The following PLEKHA4 variants were observed in gnomAD, a reference collection of about 807,000 sequenced individuals.
PLEKHA4 encodes pleckstrin homology domain-containing family A member 4.
In PLEKHA4, 73 loss-of-function variants were observed where a neutral mutation model predicts 94.7. The ratio of observed to expected loss-of-function variants is 0.77; its 90% CI spans 0.64 to 0.94. PLEKHA4 has a LOEUF of 0.94. Among genes scored for constraint, PLEKHA4 ranks in the 40% least tolerant of loss-of-function variants. The pLI is 0.00. For synonymous variants in PLEKHA4, 449 were observed against 437.1 expected (o/e 1.03, Z -0.34); for missense variants, 1,049 against 1,054.1 (o/e 1.00, Z 0.07).
chr19:48,863,098 C>T (rs1024665502), intron 3 of PLEKHA4, among the ~76,000 whole-genome samples: 72 of 152,292 alleles, frequency 4.7e-4, no homozygotes, highest in Non-Finnish European at 1.6e-4. Flanking sequence ...TCTCCAACCT[C>T]GTGTGCCTCT....
intron 16 of PLEKHA4, among the ~76,000 whole-genome samples, chr19:48,842,899 T>C (rs1294727466): frequency 6.6e-6 from 1 of 152,194 alleles, no homozygotes; most frequent in African/African-American, 2.4e-5. Flanking sequence ...CTGGTGGTCA[T>C]AGCTTTTTCT....
At position 48,837,101 on chromosome 19, in the gene PLEKHA4, AG is replaced by A; in HGVS notation, c.*187del. 1.3e-6 allele frequency: 1 copy of A among 745,760 alleles called. No individual in the cohort carries two copies. Among genetic ancestry groups the A allele is most frequent in the Non-Finnish European group, 2.2e-6 (1 of 451,478 alleles). The allele number at this position is 745,760 out of a possible 1,614,324, so 46.2% of individuals were successfully genotyped here. On this transcript the variant is annotated 3_prime_UTR_variant, in exon 20 of 20. Coordinates refer to ENST00000263265, the MANE Select transcript of PLEKHA4 (RefSeq NM_020904.3). This position sits in a 1 kb window ranked among gnomAD's most constrained non-coding sequence, Gnocchi z 4.3. ...GACAGAAAGAAAGCTATTGACTAAA[AG>A]TTCAAAGTTTTAATCCAAATTTAGA...
chr19:48,846,259 A>G (rs2035966663), intron 14 of PLEKHA4, among the ~76,000 whole-genome samples: 1 of 151,722 alleles, frequency 6.6e-6, no homozygotes, highest in Admixed American at 6.6e-5. Context: ...CATCCTGGCT[A>G]AAACGGTGAA....
At chr19:48,854,112 CT>C (rs776922048) in intron 10 of PLEKHA4, 25 bp from the exon 11 acceptor site, 3 of 1,614,010 alleles carry the variant, frequency 1.9e-6, no homozygotes. Context: ...GCGGGAGCTA[CT>C]GATGGTCCAG....
chr19:48,839,913 A>C (rs1459704849), intron 17 of PLEKHA4, among the ~76,000 whole-genome samples: 1 of 148,180 alleles, frequency 6.7e-6, no homozygotes, highest in Admixed American at 6.8e-5. Flanking sequence ...AGCCTGGTCA[A>C]TATGGTGTAA....
chr19:48,866,661 T>C (rs2036846012), intron 2 of PLEKHA4, among the ~76,000 whole-genome samples: 1 of 152,010 alleles, frequency 6.6e-6, no homozygotes, highest in Non-Finnish European at 1.5e-5. Flanking sequence ...GAAGAGGCTG[T>C]AGGGAAGCAA....
chr19:48,859,362 A>G, intron 7 of PLEKHA4, 107 bp downstream of exon 7: 7 of 1,237,122 alleles, frequency 5.7e-6, no homozygotes, highest in Non-Finnish European at 6.8e-6. Context: ...CGGGAGCCCC[A>G]GCAAGTCACA....
chr19:48,839,176 C>A, intron 18 of PLEKHA4, 29 bp downstream of exon 18: 1 of 1,527,914 alleles, frequency 6.5e-7, no homozygotes, highest in Non-Finnish European at 8.8e-7. Flanking sequence ...TTTTTTCCTG[C>A]TCCCTTGATA....
At chr19:48,853,956 C>T in intron 11 of PLEKHA4, 51 bp downstream of exon 11, 1 of 1,610,832 alleles carries the variant, frequency 6.2e-7, no homozygotes, top group South Asian at 1.1e-5. Context: ...AGGAAGGGCT[C>T]AGGGCAGGCA....
At chr19:48,840,456 A>C (rs2035718582) in intron 17 of PLEKHA4, among the ~76,000 whole-genome samples, 1 of 138,810 alleles carries the variant, frequency 7.2e-6, no homozygotes, top group African/African-American at 2.7e-5. Context: ...ACAGAGTTTC[A>C]CTCTTGTTGC....
intron 6 of PLEKHA4, 36 bp downstream of exon 6, chr19:48,860,314 T>C: frequency 6.4e-7 from 1 of 1,551,902 alleles, no homozygotes; most frequent in Non-Finnish European, 8.9e-7. Context: ...TGACTCAGGG[T>C]GGAGGGTCAG....
intron 16 of PLEKHA4, among the ~76,000 whole-genome samples, chr19:48,843,200 T>TG (rs1232490427): frequency 1.3e-5 from 2 of 152,164 alleles, no homozygotes; most frequent in African/African-American, 4.8e-5. Flanking sequence ...ATTTTTGAGA[T>TG]GGAGTTTCAC....
In PLEKHA4 at chr19:48,865,760, A is replaced by C. The variant is rs570595068; in HGVS notation, c.85-150T>G. On this transcript the variant is annotated intron_variant, in intron 2 of 19. Coordinates refer to ENST00000263265, the MANE Select transcript of PLEKHA4 (RefSeq NM_020904.3). ...CCGGGCGCAGTGGCTCACACCTGTA[A>C]TCCCAGCACTTTCGGAGGCTGAGAC... The C allele has an allele frequency of 5.7e-4, 333 of 580,064 alleles. 2 individuals carry two copies. Among genetic ancestry groups the C allele is most frequent in the South Asian group, 5.5e-3 (257 of 46,368 alleles). 35.9% of individuals were successfully genotyped at this position (580,064 alleles called of 1,614,324 possible).
intron 9 of PLEKHA4, among the ~76,000 whole-genome samples, chr19:48,857,006 T>C (rs2036447787): frequency 1.3e-5 from 2 of 149,812 alleles, no homozygotes; most frequent in South Asian, 4.2e-4. Flanking sequence ...GACGATGTCA[T>C]GGGGTGTCCT....
intron 3 of PLEKHA4, among the ~76,000 whole-genome samples, chr19:48,863,994 T>C (rs892314378): frequency 6.6e-6 from 1 of 152,144 alleles, no homozygotes; most frequent in African/African-American, 2.4e-5. Flanking sequence ...TCTATGATGG[T>C]ACCTCATCAT....
chr19:48,862,807 C>A (rs1459772056), intron 3 of PLEKHA4, among the ~76,000 whole-genome samples: 1 of 152,226 alleles, frequency 6.6e-6, no homozygotes. Flanking sequence ...GCCACCGCAC[C>A]CAGCCCCCAC....
At chr19:48,847,607 C>T (rs1440332909) in intron 14 of PLEKHA4, among the ~76,000 whole-genome samples, 1 of 152,132 alleles carries the variant, frequency 6.6e-6, no homozygotes, top group Admixed American at 6.6e-5. Flanking sequence ...TTGTGGGCAC[C>T]TGTAATCACA....
intron 18 of PLEKHA4, 146 bp from the exon 19 acceptor site, chr19:48,838,275 T>C (rs528225121): frequency 1.9e-6 from 1 of 512,990 alleles, no homozygotes; most frequent in Non-Finnish European, 3.5e-6. Context: ...AATTTAATTG[T>C]ACATTTTTAA....
At position 48,837,162 on chromosome 19, in the gene PLEKHA4, C is replaced by A. The variant is rs2035555877; in HGVS notation, c.*127G>T. On this transcript the variant is annotated 3_prime_UTR_variant, in exon 20 of 20. Coordinates refer to ENST00000263265, the MANE Select transcript of PLEKHA4 (RefSeq NM_020904.3). The surrounding 1 kb of genome is among the most constrained non-coding windows in gnomAD (Gnocchi z 4.3). ...GAAAACCAAACTTTGGCCATAGAAA[C>A]CATTCCCCTCCCGGGCCCGCAATGG... The A allele has an allele frequency of 1.4e-6, 2 of 1,380,850 alleles. No homozygotes were observed. The highest frequency in any genetic ancestry group is 2.0e-5 in the Admixed American group (1 of 49,192). The allele number at this position is 1,380,850 out of a possible 1,614,324, so 85.5% of individuals were successfully genotyped here. A position where few individuals can be genotyped will look rare whatever the true frequency, so the allele number is the denominator to read the frequency against.
Sources: gnomAD v4.1 joint callset for allele counts (sites outside exome capture counted in the v4.1 genomes callset) on GRCh38, gnomAD v4.1.1 for gene constraint, Gnocchi (gnomAD v3.1) non-coding constraint, MANE v1.5 for transcripts, NCBI Gene and HGNC (gene_info 2026-07-23, HGNC 2026-07-21) for gene names.